The following METAP1D variants were observed in gnomAD, a reference collection of about 807,000 sequenced individuals.
METAP1D encodes methionine aminopeptidase 1D, mitochondrial.
METAP1D carries 31 observed loss-of-function variants against 40.5 expected under a neutral mutation model. That is an observed-to-expected ratio of 0.77 (90% confidence interval 0.58 to 1.03). METAP1D has a LOEUF of 1.03. METAP1D is among the 50% of genes least tolerant of loss of function. The pLI is 0.00. For synonymous variants in METAP1D, 151 were observed against 146.4 expected (o/e 1.03, Z -0.22); for missense variants, 411 against 420.7 (o/e 0.98, Z 0.20).
At chr2:172,038,181 C>T (rs907196181) in intron 1 of METAP1D, among the ~76,000 whole-genome samples, 13 of 152,120 alleles carry the variant, frequency 8.5e-5, no homozygotes, top group African/African-American at 2.9e-4. Flanking sequence ...CATTCCCAGG[C>T]CAGCTCAAAA....
chr2:172,049,421 A>G (rs1335940071), intron 1 of METAP1D, among the ~76,000 whole-genome samples: 1 of 151,078 alleles, frequency 6.6e-6, no homozygotes, highest in Non-Finnish European at 1.5e-5. Flanking sequence ...ATTTATATTT[A>G]TGTTTACTTA....
intron 1 of METAP1D, among the ~76,000 whole-genome samples, chr2:172,001,728 T>C (rs1688467307): frequency 1.3e-5 from 2 of 152,172 alleles, no homozygotes; most frequent in Admixed American, 6.5e-5. Context: ...TTTGGACTGG[T>C]TGCATGAAGG....
intron 3 of METAP1D, among the ~76,000 whole-genome samples, chr2:172,065,375 C>T (rs984098906): frequency 3.3e-5 from 5 of 152,144 alleles, no homozygotes; most frequent in African/African-American, 7.2e-5. Context: ...TAGGGTTTAA[C>T]ATTTCTATTT....
intron 6 of METAP1D, among the ~76,000 whole-genome samples, chr2:172,074,769 T>C (rs920580705): frequency 1.8e-4 from 27 of 152,158 alleles, no homozygotes; most frequent in Non-Finnish European, 5.9e-5. Flanking sequence ...TAAAGAAAAA[T>C]TTCATAACTT....
Position 172,044,177 on chromosome 2 carries a change from T to C in METAP1D, c.41-17321T>C, listed in dbSNP as rs934226009. ...TTTGTGGCCAAAAACACTTTAAATATGGTGGAAATACAAAAAGCAAGCTGA... is the reference window on the plus strand; with the variant it reads ...TTTGTGGCCAAAAACACTTTAAATACGGTGGAAATACAAAAAGCAAGCTGA... On this transcript the variant is annotated intron_variant, in intron 1 of 9. Coordinates refer to ENST00000315796, the MANE Select transcript of METAP1D (RefSeq NM_199227.3). Among the ~76,000 whole-genome samples the C allele has an allele frequency of 3.0e-5, 4 of 134,156 alleles. 1 individual carries two copies. The highest frequency in any genetic ancestry group is 1.0e-4 in the African/African-American group (4 of 39,658). 88.0% of individuals were successfully genotyped at this position (134,156 alleles called of 152,430 possible).
At position 171,999,974 on chromosome 2, in the gene METAP1D, C is replaced by T. The variant is rs1291270136; in HGVS notation, c.5C>T (p.Ala2Val). M[A>V]APSGVHLLVR... ...GGCCACGTGACCGACGCCAACATGG[C>T]GGCGCCCAGTGGCGTCCACCTGCTC... is the stretch of plus-strand genomic sequence containing the variant. Residue 2 changes from alanine (A) to valine (V), a missense_variant, in exon 1 of 10, where the codon GCG (alanine) becomes GTG (valine). Physicochemically the swap from Ala to Val is moderately conservative, Grantham distance 64. Coordinates refer to ENST00000315796, the MANE Select transcript of METAP1D (RefSeq NM_199227.3). 3 of 1,362,466 alleles carry T rather than the reference C, an allele frequency of 2.2e-6. No homozygotes were observed. Among genetic ancestry groups the T allele is most frequent in the Non-Finnish European group, 9.5e-7 (1 of 1,050,620 alleles). 84.4% of individuals were successfully genotyped at this position (1,362,466 alleles called of 1,614,324 possible).
At chr2:172,053,814 A>T (rs569180986) in intron 1 of METAP1D, among the ~76,000 whole-genome samples, 1 of 152,356 alleles carries the variant, frequency 6.6e-6, no homozygotes, top group Non-Finnish European at 1.5e-5. Context: ...ATACCTCTGC[A>T]GTGTAACGTA....
At chr2:172,074,052 G>A (rs1482768251) in intron 6 of METAP1D, among the ~76,000 whole-genome samples, 2 of 152,128 alleles carry the variant, frequency 1.3e-5, no homozygotes. Context: ...TGTGAGGAAT[G>A]TCTAGTAATC....
intron 1 of METAP1D, among the ~76,000 whole-genome samples, chr2:172,037,290 T>C (rs567419964): frequency 6.5e-4 from 98 of 151,490 alleles, no homozygotes; most frequent in African/African-American, 2.2e-3. Flanking sequence ...TAGGTTTTAC[T>C]TGGGGTGTGT....
intron 1 of METAP1D, among the ~76,000 whole-genome samples, chr2:172,045,386 C>T (rs1401717514): frequency 2.3e-5 from 3 of 132,790 alleles, no homozygotes; most frequent in African/African-American, 7.6e-5. Flanking sequence ...ATAAGCCGGG[C>T]GCGGTGGCTC....
At chr2:172,060,416 CAA>C (rs757713609) in intron 1 of METAP1D, among the ~76,000 whole-genome samples, 112 of 60,736 alleles carry the variant, frequency 1.8e-3, no homozygotes, top group Middle Eastern at 0.012. Flanking sequence ...GACCCTGTCT[CAA>C]AAAAAAAAAA....
At chr2:172,059,310 T>C (rs1356810092) in intron 1 of METAP1D, among the ~76,000 whole-genome samples, 1 of 152,094 alleles carries the variant, frequency 6.6e-6, no homozygotes, top group Non-Finnish European at 1.5e-5. Context: ...GGTGTGGGAT[T>C]ACAGGCGTGA....
chr2:172,044,326 C>T lies in METAP1D; in HGVS notation c.41-17172C>T, dbSNP rs1223747475. On this transcript the variant is annotated intron_variant, in intron 1 of 9. Transcript: ENST00000315796. ...CTGTAATCTCAGCACTTTGGGAGGC[C>T]GAGGCAGGTGGATCACGAGGTCATG... Among the ~76,000 whole-genome samples, 5 of 121,860 alleles carry T rather than the reference C, an allele frequency of 4.1e-5. 1 individual carries two copies. Among genetic ancestry groups the T allele is most frequent in the African/African-American group, 8.3e-5 (3 of 36,316 alleles). The allele number at this position is 121,860 out of a possible 152,430, so 79.9% of individuals were successfully genotyped here.
chr2:172,013,241 G>A (rs1301271737), intron 1 of METAP1D, among the ~76,000 whole-genome samples: 1 of 152,158 alleles, frequency 6.6e-6, no homozygotes, highest in Non-Finnish European at 1.5e-5. Context: ...GGCTTCGTTG[G>A]CCCCATCTTT....
intron 1 of METAP1D, among the ~76,000 whole-genome samples, chr2:172,037,734 C>A (rs1211808289): frequency 1.3e-5 from 2 of 152,220 alleles, no homozygotes; most frequent in African/African-American, 2.4e-5. Context: ...AATATCTAGA[C>A]CTCCTACCCC....
In METAP1D at chr2:172,082,311, T is replaced by TA. The variant is rs1344237580; in HGVS notation, c.*1906dup. 2 of 152,342 alleles carry TA rather than the reference T, an allele frequency of 1.3e-5. No individual in the cohort carries two copies. Among genetic ancestry groups the TA allele is most frequent in the South Asian group, 2.1e-4 (1 of 4,828 alleles). 9.4% of individuals were successfully genotyped at this position (152,342 alleles called of 1,614,324 possible). A position where few individuals can be genotyped will look rare whatever the true frequency, so the allele number is the denominator to read the frequency against. On this transcript the variant is annotated 3_prime_UTR_variant, in exon 10 of 10. Coordinates refer to ENST00000315796, the MANE Select transcript of METAP1D (RefSeq NM_199227.3). ...CGAGGTTCCCCAAGGATAGTTTTAT[T>TA]AGGACCACAGGACTTTACTAACCAC...
intron 4 of METAP1D, 25 bp from the exon 5 acceptor site, chr2:172,066,239 A>ATTT: frequency 6.4e-7 from 1 of 1,570,262 alleles, no homozygotes; most frequent in South Asian, 1.1e-5. Flanking sequence ...GTCTATCACC[A>ATTT]TTTTTTTTTC....
At chr2:172,008,711 T>TG (rs1210256402) in intron 1 of METAP1D, among the ~76,000 whole-genome samples, 137,190 of 152,166 alleles carry the variant, frequency 0.9, 62,469 homozygotes, top group Middle Eastern at 0.96. Flanking sequence ...AATATCTTTT[T>TG]CACTGTGCTC....
chr2:172,000,432 C>G (rs1688431898), intron 1 of METAP1D, among the ~76,000 whole-genome samples: 1 of 151,320 alleles, frequency 6.6e-6, no homozygotes, highest in South Asian at 2.1e-4. Context: ...TGGGGACTTG[C>G]AAAATGTGAT....
Sources: gnomAD v4.1 joint callset for allele counts (sites outside exome capture counted in the v4.1 genomes callset) on GRCh38, gnomAD v4.1.1 for gene constraint, MANE v1.5 for transcripts, NCBI Gene and HGNC (gene_info 2026-07-23, HGNC 2026-07-21) for gene names.